MYT1L: variants seen among roughly 807,000 people sequenced by gnomAD.
The protein encoded by MYT1L is myelin transcription factor 1-like protein.
A neutral mutation model predicts 126.7 loss-of-function variants in MYT1L; 12 were observed. That is an observed-to-expected ratio of 0.09 (90% CI 0.06 to 0.15). The LOEUF (loss-of-function observed/expected upper bound fraction) is 0.15, where lower values mean the gene tolerates loss of function less well. Ranked by LOEUF, MYT1L falls within the 10% of genes least tolerant of loss-of-function variation. MYT1L has a pLI of 1.00. For synonymous variants in MYT1L, 541 were observed against 604.2 expected (o/e 0.90, Z 1.53); for missense variants, 979 against 1,585.2 (o/e 0.62, Z 6.49).
At position 1,801,052 on chromosome 2, in the gene MYT1L, G is replaced by C. The variant is rs548611509; in HGVS notation, c.3276+644C>G. Among the ~76,000 whole-genome samples, 20 of 152,344 alleles carry C rather than the reference G, an allele frequency of 1.3e-4. 1 individual carries two copies. The South Asian group carries it at 1.9e-3, about 14-fold the overall frequency. On this transcript the variant is annotated intron_variant, in intron 23 of 24. Transcript: ENST00000647738. The surrounding 1 kb of genome is among the most constrained non-coding windows in gnomAD (Gnocchi z 4.2). ...ATGCCAGGCACAAGGCTCATGGTCA[G>C]ACAGGGTCCAGCCTGGCCTCTGTGG...
At chr2:2,182,340 T>A (rs996161467) in intron 2 of MYT1L, among the ~76,000 whole-genome samples, 2 of 152,220 alleles carry the variant, frequency 1.3e-5, no homozygotes, top group African/African-American at 4.8e-5. Context: ...AACACTTTTT[T>A]AAAAGAATTT....
intron 14 of MYT1L, among the ~76,000 whole-genome samples, chr2:1,894,464 A>G (rs946210880): frequency 1.3e-5 from 2 of 152,238 alleles, no homozygotes; most frequent in African/African-American, 2.4e-5. Context: ...TACTTTGGAT[A>G]TGAACTAAAG....
Position 2,215,936 on chromosome 2 carries a change from T to A in MYT1L, c.-420-42948A>T, listed in dbSNP as rs139808920. 2.6e-5 allele frequency among the ~76,000 whole-genome samples: 4 copies of A among 152,272 alleles called. No individual in the cohort carries two copies. In the East Asian group the frequency reaches 7.7e-4, roughly 29 times the overall value. ...GTGGATCCCTCATGGCACGGTACTG[T>A]CTTCATGTTAGTGAATTCTCCTGAG... is the stretch of plus-strand genomic sequence containing the variant. On this transcript the variant is annotated intron_variant, in intron 2 of 24. Transcript: ENST00000647738.
chr2:2,250,635 T>C (rs2149213919), intron 2 of MYT1L, among the ~76,000 whole-genome samples: 1 of 151,860 alleles, frequency 6.6e-6, no homozygotes, highest in Non-Finnish European at 1.5e-5. Flanking sequence ...AATAATAATT[T>C]AATTGTACAC....
At chr2:2,111,895 G>A (rs1027130419) in intron 3 of MYT1L, among the ~76,000 whole-genome samples, 4 of 152,220 alleles carry the variant, frequency 2.6e-5, no homozygotes, top group African/African-American at 4.8e-5. Flanking sequence ...CGTTGCCCCC[G>A]GGCAGTATAT....
chr2:2,051,926 AT>A (rs143735222), intron 4 of MYT1L, among the ~76,000 whole-genome samples: 15 of 150,892 alleles, frequency 9.9e-5, no homozygotes, highest in African/African-American at 2.7e-4. Flanking sequence ...TCTTAAGGTC[AT>A]TTTTTTTTCA....
intron 3 of MYT1L, among the ~76,000 whole-genome samples, chr2:2,158,360 T>C (rs548916738): frequency 9.2e-4 from 140 of 152,306 alleles, no homozygotes; most frequent in Non-Finnish European, 1.4e-3. Flanking sequence ...TGTGAAACAG[T>C]GTGTTTGGCA....
intron 4 of MYT1L, among the ~76,000 whole-genome samples, chr2:2,014,605 C>T (rs561495541): frequency 6.6e-6 from 1 of 152,352 alleles, no homozygotes; most frequent in East Asian, 1.9e-4. Flanking sequence ...TGTGTCTGGG[C>T]ATCCCGGATG....
chr2:1,883,926 A>G (rs538076420), intron 18 of MYT1L: 2 of 152,190 alleles, frequency 1.3e-5, no homozygotes, highest in African/African-American at 4.8e-5. Context: ...TTTACATATT[A>G]TACATAATTA....
chr2:2,070,457 A>G (rs1335204008), intron 3 of MYT1L, among the ~76,000 whole-genome samples: 1 of 152,176 alleles, frequency 6.6e-6, no homozygotes, highest in Non-Finnish European at 1.5e-5. Context: ...GCCCAAAGCA[A>G]TGACAGGACA....
In MYT1L at chr2:2,224,016, T is replaced by C. The variant is rs2093949904; in HGVS notation, c.-420-51028A>G. ...TGACTGAGTTGACAGGTGGAGTGTGTATGTTGTGTGAGGTAACTTTAAGGT... is the reference window on the plus strand; with the variant it reads ...TGACTGAGTTGACAGGTGGAGTGTGCATGTTGTGTGAGGTAACTTTAAGGT... On this transcript the variant is annotated intron_variant, in intron 2 of 24. Coordinates refer to ENST00000647738, the MANE Select transcript of MYT1L (RefSeq NM_001303052.2). The surrounding 1 kb of genome is among the most constrained non-coding windows in gnomAD (Gnocchi z 4.0). Among the ~76,000 whole-genome samples, 1 of 152,096 alleles carries C rather than the reference T, an allele frequency of 6.6e-6. No homozygotes were observed. Among genetic ancestry groups the C allele is most frequent in the South Asian group, 2.1e-4 (1 of 4,816 alleles).
At chr2:1,934,125 C>T (rs2055434352) in intron 9 of MYT1L, among the ~76,000 whole-genome samples, 1 of 142,378 alleles carries the variant, frequency 7.0e-6, no homozygotes. Flanking sequence ...CAGGCACCCG[C>T]CACCACGCCT....
intron 3 of MYT1L, among the ~76,000 whole-genome samples, chr2:2,135,804 T>C (rs2082972991): frequency 6.6e-6 from 1 of 152,132 alleles, no homozygotes; most frequent in Non-Finnish European, 1.5e-5. Flanking sequence ...AAAAGAGGAA[T>C]GCGCTGTCTT....
chr2:2,200,159 G>A (rs762643065), intron 2 of MYT1L, among the ~76,000 whole-genome samples: 1 of 152,124 alleles, frequency 6.6e-6, no homozygotes, highest in South Asian at 2.1e-4. Flanking sequence ...CTGCTCGAGA[G>A]GTCCATGATT....
chr2:1,867,526 G>A (rs1221224598), intron 18 of MYT1L, among the ~76,000 whole-genome samples: 1 of 152,174 alleles, frequency 6.6e-6, no homozygotes, highest in Non-Finnish European at 1.5e-5. Context: ...CTCTGGCTGG[G>A]GAGAGGAAGC....
chr2:2,065,180 A>C (rs1033452253), intron 3 of MYT1L, among the ~76,000 whole-genome samples: 2 of 152,220 alleles, frequency 1.3e-5, no homozygotes, highest in Non-Finnish European at 1.5e-5. Flanking sequence ...CCTGGGCTAC[A>C]GGGCAAGATC....
intron 3 of MYT1L, among the ~76,000 whole-genome samples, chr2:2,105,193 G>A (rs939329870): frequency 6.6e-6 from 1 of 152,324 alleles, no homozygotes; most frequent in East Asian, 1.9e-4. Context: ...TAACTGAAGA[G>A]AGTAAGTGTT....
chr2:2,299,797 T>C (rs2149518933), intron 1 of MYT1L, among the ~76,000 whole-genome samples: 1 of 152,346 alleles, frequency 6.6e-6, no homozygotes, highest in East Asian at 1.9e-4. Context: ...AAATGATTGT[T>C]TGAAACATCC....
chr2:2,048,736 T>C (rs1424544552), intron 4 of MYT1L, among the ~76,000 whole-genome samples: 1 of 152,176 alleles, frequency 6.6e-6, no homozygotes, highest in East Asian at 1.9e-4. Context: ...CTGAACCACA[T>C]ATCCTATTTT....
Sources: allele counts gnomAD v4.1 joint callset (sites outside exome capture counted in the v4.1 genomes callset), GRCh38; gene constraint gnomAD v4.1.1; non-coding constraint Gnocchi (gnomAD v3.1); transcripts MANE v1.5; gene names NCBI Gene and HGNC (gene_info 2026-07-23, HGNC 2026-07-21).